COL6A1: variants seen among roughly 807,000 people sequenced by gnomAD.
The protein encoded by COL6A1 is collagen type VI alpha 1 chain, also known as collagen alpha-1(VI) chain.
In COL6A1, 80 loss-of-function variants were observed where a neutral mutation model predicts 145.6. That is an observed-to-expected ratio of 0.55 (90% CI 0.46 to 0.66). The LOEUF (loss-of-function observed/expected upper bound fraction) is 0.66. Ranked by LOEUF, COL6A1 falls within the 30% of genes least tolerant of loss-of-function variation. The pLI is 0.00. For synonymous variants in COL6A1, 638 were observed against 622.8 expected (o/e 1.02, Z -0.36); for missense variants, 1,364 against 1,473.8 (o/e 0.93, Z 1.22).
chr21:45,997,401 C>G lies in COL6A1; in HGVS notation c.1399-20C>G. 6.2e-7 allele frequency: 1 copy of G among 1,612,012 alleles called. No homozygotes were observed. Among genetic ancestry groups the G allele is most frequent in the Non-Finnish European group, 8.5e-7 (1 of 1,179,010 alleles). On this transcript the variant is annotated intron_variant, in intron 20 of 34. Coordinates refer to ENST00000361866, the MANE Select transcript of COL6A1 (RefSeq NM_001848.3). ...TGGGTGAGGCCTGTGGTCCAACGTG[C>G]CATATCCATCTCTCTACAGGGCGAG...
At position 46,002,080 on chromosome 21, in the gene COL6A1, C is replaced by G. The variant is rs767948463; in HGVS notation, c.2066+10C>G. On this transcript the variant is annotated intron_variant, in intron 31 of 34. Coordinates refer to ENST00000361866, the MANE Select transcript of COL6A1 (RefSeq NM_001848.3). ...TGCAGGAGCTCAAGGAGTGAGTGCC[C>G]CACGCGGCCAGGACCCTCCCACCCC... 6.2e-7 allele frequency: 1 copy of G among 1,606,328 alleles called. No homozygotes were observed. The highest frequency in any genetic ancestry group is 1.1e-5 in the South Asian group (1 of 89,916).
At chr21:45,982,842 G>C in intron 2 of COL6A1, 79 bp downstream of exon 2, 1 of 1,580,840 alleles carries the variant, frequency 6.3e-7, no homozygotes, top group South Asian at 1.1e-5. Flanking sequence ...GGGGAACACG[G>C]GTGCGACGGC....
chr21:46,004,260 A>G lies in COL6A1; in HGVS notation c.*247A>G, dbSNP rs936148510. 6.0e-5 allele frequency: 35 copies of G among 578,676 alleles called. 1 individual carries two copies. The South Asian group carries it at 6.4e-4, about 11-fold the overall frequency. 35.8% of individuals were successfully genotyped at this position (578,676 alleles called of 1,614,324 possible). ...TCAGCCCTGAGCTAGTGTCACCTGC[A>G]CAGGGCCCTCTGAGGCTCAGCCCTG... is the stretch of plus-strand genomic sequence containing the variant. On this transcript the variant is annotated 3_prime_UTR_variant, in exon 35 of 35. Transcript: ENST00000361866.
intron 3 of COL6A1, among the ~76,000 whole-genome samples, chr21:45,985,242 A>C (rs2077732515): frequency 6.6e-6 from 1 of 151,960 alleles, no homozygotes; most frequent in Non-Finnish European, 1.5e-5. Context: ...AGACAGGGAC[A>C]GAGACAGAGA....
At chr21:45,984,983 G>A (rs973657023) in intron 3 of COL6A1, among the ~76,000 whole-genome samples, 3 of 151,284 alleles carry the variant, frequency 2.0e-5, no homozygotes, top group South Asian at 2.1e-4. Context: ...GAGACAGAGG[G>A]AAACAGAGAG....
rs1484725853 is a variant in COL6A1 at position 45,982,722 on chromosome 21, C to G, written c.186C>G (p.Val62=). Residue 62 remains valine, a synonymous_variant, in exon 2 of 35, where the codon GTC becomes GTG. Transcript: ENST00000361866. ...CCTACGGGGCCCTCGTGGACAAAGT[C>G]AAGTCCTTCACCAAGCGCTTCATCG... ...LKPYGALVDK[V]KSFTKRFIDN... 6.2e-7 allele frequency: 1 copy of G among 1,612,672 alleles called. No individual in the cohort carries two copies. The highest frequency in any genetic ancestry group is 1.3e-5 in the African/African-American group (1 of 74,934).
At chr21:45,987,686 TGTG>T in intron 8 of COL6A1, 32 bp downstream of exon 8, 2 of 1,595,120 alleles carry the variant, frequency 1.3e-6, no homozygotes, top group South Asian at 2.2e-5. Context: ...TCCCATGTGT[TGTG>T]GGGCCTGGGA....
rs941525757 is a variant in COL6A1, at chr21:45,987,195, C to T, written c.738+20C>T. On this transcript the variant is annotated intron_variant, in intron 6 of 34. Coordinates refer to ENST00000361866, the MANE Select transcript of COL6A1 (RefSeq NM_001848.3). ...CAAGTGGTAAGAGCCCTCCCCACCA[C>T]CCCCAGCCGTGAGTCTGCACACGTC... The T allele has an allele frequency of 9.4e-6, 15 of 1,591,194 alleles. No homozygotes were observed. The highest frequency in any genetic ancestry group is 1.1e-5 in the Non-Finnish European group (13 of 1,175,912).
In COL6A1 at chr21:45,997,608, G is replaced by A. The variant is rs201757400; in HGVS notation, c.1462-92G>A. The A allele has an allele frequency of 9.6e-5, 147 of 1,538,534 alleles. No individual in the cohort carries two copies. In the East Asian group the frequency reaches 2.3e-3, roughly 24 times the overall value. The stretch of plus-strand genomic sequence containing the variant: ...TATGGCCCTGGGTGTCCTGGCTCCC[G>A]ATGGGACCTCTCCCGGCCCCAGGAG... On this transcript the variant is annotated intron_variant, in intron 21 of 34. Coordinates refer to ENST00000361866, the MANE Select transcript of COL6A1 (RefSeq NM_001848.3).
chr21:45,989,722 C>T lies in COL6A1; in HGVS notation c.904-30C>T, dbSNP rs1391169954. Reference sequence around the variant, plus strand: ...GCCTTGCACAGCACTAACAAGCCTTCCTCTTCCTCTTCTTCCGCTGGGTGT... The same window carrying T: ...GCCTTGCACAGCACTAACAAGCCTTTCTCTTCCTCTTCTTCCGCTGGGTGT... On this transcript the variant is annotated intron_variant, in intron 10 of 34. Coordinates refer to ENST00000361866, the MANE Select transcript of COL6A1 (RefSeq NM_001848.3). 3.7e-6 allele frequency: 6 copies of T among 1,613,000 alleles called. No individual in the cohort carries two copies. In the African/African-American group the frequency reaches 4.0e-5, roughly 11 times the overall value.
At chr21:45,999,801 G>A in intron 27 of COL6A1, 109 bp downstream of exon 27, 4 of 905,708 alleles carry the variant, frequency 4.4e-6, no homozygotes, top group Non-Finnish European at 6.6e-6. Context: ...ACGGGGGGGT[G>A]GGTTGTGGAC....
At position 46,004,115 on chromosome 21, in the gene COL6A1, G is replaced by C; in HGVS notation, c.*102G>C. ...CGAATTTTCCCGACCAACCTGATTC[G>C]CTAGATTTTTTTTAAGGAAAAGCTT... On this transcript the variant is annotated 3_prime_UTR_variant, in exon 35 of 35. Coordinates refer to ENST00000361866, the MANE Select transcript of COL6A1 (RefSeq NM_001848.3). 6.7e-7 allele frequency: 1 copy of C among 1,495,048 alleles called. No homozygotes were observed. Among genetic ancestry groups the C allele is most frequent in the Non-Finnish European group, 9.2e-7 (1 of 1,090,466 alleles). 92.6% of individuals were successfully genotyped at this position (1,495,048 alleles called of 1,614,324 possible). A position where few individuals can be genotyped will look rare whatever the true frequency, so the allele number is the denominator to read the frequency against.
intron 15 of COL6A1, 42 bp downstream of exon 15, chr21:45,991,083 T>G (rs2077774489): frequency 6.2e-7 from 1 of 1,604,848 alleles, no homozygotes; most frequent in Non-Finnish European, 8.5e-7. Flanking sequence ...GCCTTCACGG[T>G]TGGCCAAGCG....
At position 46,002,245 on chromosome 21, in the gene COL6A1, G is replaced by A. The variant is rs1379797270; in HGVS notation, c.2094G>A (p.Ala698=). 8.7e-6 allele frequency: 14 copies of A among 1,602,436 alleles called. No homozygotes were observed. The highest frequency in any genetic ancestry group is 5.3e-5 in the African/African-American group (4 of 74,856). ...CCATCAAGAGCCTGCAGTGGATGGC[G>A]GGCGGCACCTTCACGGGGGAGGCCC... ...KEAIKSLQWM[A]GGTFTGEALQ... Residue 698 remains alanine (A), a synonymous_variant, in exon 32 of 35, where the codon GCG becomes GCA. Transcript: ENST00000361866.
intron 1 of COL6A1, 92 bp from the exon 2 acceptor site, chr21:45,982,542 G>A: frequency 6.3e-7 from 1 of 1,584,616 alleles, no homozygotes. Flanking sequence ...GCTCTGTGCT[G>A]CAGGCGCTGG....
chr21:45,992,734 GTC>G lies in COL6A1; in HGVS notation c.1273-9_1273-8del, dbSNP rs1251903606. 1 of 1,580,930 alleles carries G rather than the reference GTC, an allele frequency of 6.3e-7. No homozygotes were observed. The highest frequency in any genetic ancestry group is 2.3e-5 in the East Asian group (1 of 43,724). On this transcript the variant is annotated splice_polypyrimidine_tract_variant and intron_variant, in intron 18 of 34. Transcript: ENST00000361866. Reference sequence around the variant, plus strand: ...AGCAGCTGAGGCTTCTCCCCTCCATGTCTCTCCACTCAGGGTGGCCCTGGAGA... The same window carrying G: ...AGCAGCTGAGGCTTCTCCCCTCCATGTCTCCACTCAGGGTGGCCCTGGAGA...
intron 18 of COL6A1, 114 bp downstream of exon 18, chr21:45,992,512 A>G (rs568574505): frequency 1.1e-5 from 14 of 1,320,150 alleles, no homozygotes; most frequent in Non-Finnish European, 1.5e-5. Flanking sequence ...CCTGCCCAAG[A>G]CAAATGGGTT....
intron 31 of COL6A1, 37 bp from the exon 32 acceptor site, chr21:46,002,181 T>C (rs1363633236): frequency 1.3e-6 from 2 of 1,576,970 alleles, no homozygotes; most frequent in Non-Finnish European, 8.6e-7. Context: ...GCGGCAGGCC[T>C]GGCCCCAACC....
chr21:45,990,018 CCCTCTGCGGAGCCGGGGGTCCCCCGGGCG>C (rs1458525952), intron 11 of COL6A1, among the ~76,000 whole-genome samples: 2 of 12,392 alleles, frequency 1.6e-4, no homozygotes, highest in Admixed American at 1.7e-3. Context: ...CGGGCGGTTA[CCCTCTGCGGAGCCGGGGGTCCCCCGGGCG>C]GTTACCCTCT....
Sources: gnomAD v4.1 joint callset for allele counts (sites outside exome capture counted in the v4.1 genomes callset) on GRCh38, gnomAD v4.1.1 for gene constraint, MANE v1.5 for transcripts, NCBI Gene and HGNC (gene_info 2026-07-23, HGNC 2026-07-21) for gene names.